FOXI2: variants seen among roughly 807,000 people sequenced by gnomAD.
The protein encoded by FOXI2 is forkhead box protein I2.
Under a neutral mutation model 14.3 loss-of-function variants are expected in FOXI2, and 17 were observed. The ratio of observed to expected loss-of-function variants is 1.19; its 90% confidence interval spans 0.81 to 1.78. The LOEUF (loss-of-function observed/expected upper bound fraction) is 1.78, where lower values mean the gene tolerates loss of function less well. Among genes scored for constraint, FOXI2 ranks in the 40% most tolerant of loss-of-function variants. The pLI is 0.00. For missense variants in FOXI2, 541 were observed against 460.0 expected (o/e 1.18, Z -1.61); for synonymous variants, 240 against 218.8 (o/e 1.10, Z -0.85).
Position 127,739,905 on chromosome 10 carries a change from ACACT to A in FOXI2, c.*944_*947del, listed in dbSNP as rs1456839643. On this transcript the variant is annotated 3_prime_UTR_variant, in exon 2 of 2. Coordinates refer to ENST00000388920, the MANE Select transcript of FOXI2 (RefSeq NM_207426.3). ...CCCACACCCACACCCACACTCACAC[ACACT>A]CACACCCACACCCACACTCACACCC... 8.0e-4 allele frequency: 15 copies of A among 18,846 alleles called. No individual in the cohort carries two copies. The highest frequency in any genetic ancestry group is 1.4e-3 in the Non-Finnish European group (10 of 7,216). The allele number at this position is 18,846 out of a possible 1,614,324, so 1.2% of individuals were successfully genotyped here.
rs1564748145 is a variant in FOXI2, at chr10:127,737,575, TGCG to T, written c.305_307del (p.Arg102del). 6.5e-7 allele frequency: 1 copy of T among 1,547,466 alleles called. No individual in the cohort carries two copies. Among genetic ancestry groups the T allele is most frequent in the South Asian group, 1.2e-5 (1 of 83,560 alleles). On this transcript the variant is annotated inframe_deletion, in exon 1 of 2. Coordinates refer to ENST00000388920, the MANE Select transcript of FOXI2 (RefSeq NM_207426.3). The stretch of plus-strand genomic sequence containing the variant: ...GGCCAGCAGGAGCTGCTGAGGCTGG[TGCG>T]GCCGCCCTACTCCTACTCGGCGCTC...
chr10:127,740,031 C>CTCAAGAAGGATTAA lies in FOXI2; in HGVS notation c.*1066_*1067insTCAAGAAGGATTAA, dbSNP rs1846494247. 7.1e-6 allele frequency: 1 copy of CTCAAGAAGGATTAA among 139,920 alleles called. No homozygotes were observed. Among genetic ancestry groups the CTCAAGAAGGATTAA allele is most frequent in the South Asian group, 2.4e-4 (1 of 4,158 alleles). 8.7% of individuals were successfully genotyped at this position (139,920 alleles called of 1,614,324 possible). A position where few individuals can be genotyped will look rare whatever the true frequency, so the allele number is the denominator to read the frequency against. On this transcript the variant is annotated 3_prime_UTR_variant, in exon 2 of 2. Transcript: ENST00000388920. Reference sequence around the variant, plus strand: ...TCACACTGACACCCACACTCACACCCACACTCACACTGACACCCACACTCA... The same window carrying CTCAAGAAGGATTAA: ...TCACACTGACACCCACACTCACACCCTCAAGAAGGATTAAACACTCACACTGACACCCACACTCA...
chr10:127,738,573 G>T lies in FOXI2; in HGVS notation c.565G>T (p.Gly189Trp). 6.2e-7 allele frequency: 1 copy of T among 1,612,888 alleles called. No homozygotes were observed. The highest frequency in any genetic ancestry group is 8.5e-7 in the Non-Finnish European group (1 of 1,179,416). The change falls in exon 2 of 2, where the codon GGG (glycine) becomes TGG (tryptophan). Residue 189 changes from glycine to tryptophan, a missense_variant. Coordinates refer to ENST00000388920, the MANE Select transcript of FOXI2 (RefSeq NM_207426.3). The part of the protein sequence containing the change: ...DPNCEKMFDN[G>W]NFRRKRKRRA... ...CAACTGCGAGAAGATGTTTGACAAC[G>T]GGAACTTCCGAAGGAAGAGGAAGAG...
At chr10:127,737,837 G>C (rs905222617) in intron 1 of FOXI2, 53 bp downstream of exon 1, 49 of 1,570,552 alleles carry the variant, frequency 3.1e-5, no homozygotes, top group Non-Finnish European at 4.2e-5. Context: ...CTTCCCGCCG[G>C]GCCGCGGGCA....
rs1846492354 is a variant in FOXI2 at position 127,740,004 on chromosome 10, ACT to A, written c.*1041_*1042del. ...ACACCCACACTCACACCACACCCAC[ACT>A]CACACTGACACCCACACTCACACCC... On this transcript the variant is annotated 3_prime_UTR_variant, in exon 2 of 2. Transcript: ENST00000388920. 1 of 114,826 alleles carries A rather than the reference ACT, an allele frequency of 8.7e-6. No homozygotes were observed. The highest frequency in any genetic ancestry group is 1.7e-5 in the Non-Finnish European group (1 of 57,560). The allele number at this position is 114,826 out of a possible 1,614,324, so 7.1% of individuals were successfully genotyped here.
chr10:127,739,949 C>CCA lies in FOXI2; in HGVS notation c.*992_*993dup, dbSNP rs1164649884. 6.8e-5 allele frequency: 3 copies of CCA among 43,820 alleles called. No homozygotes were observed. The highest frequency in any genetic ancestry group is 2.2e-3 in the South Asian group (2 of 912). 2.7% of individuals were successfully genotyped at this position (43,820 alleles called of 1,614,324 possible). ...CACTCACACCCACACACACTCACAC[C>CCA]CACACACACCCACACTCATACTCAC... On this transcript the variant is annotated 3_prime_UTR_variant, in exon 2 of 2. Coordinates refer to ENST00000388920, the MANE Select transcript of FOXI2 (RefSeq NM_207426.3).
In FOXI2 at chr10:127,738,970, A is replaced by G. The variant is rs752988740; in HGVS notation, c.*5A>G. 4.4e-6 allele frequency: 7 copies of G among 1,597,224 alleles called. 1 individual carries two copies. In the Admixed American group the frequency reaches 1.2e-4, roughly 27 times the overall value. On this transcript the variant is annotated 3_prime_UTR_variant, in exon 2 of 2. Transcript: ENST00000388920. ...CGGGAAGGGACCGAAGTTTGAAGGG[A>G]GGCTGGAGGCTAGCCGGGTGCGGGT... is the stretch of plus-strand genomic sequence containing the variant.
In FOXI2 at chr10:127,737,657, C is replaced by T. The variant is rs1479890656; in HGVS notation, c.384C>T (p.Ile128=). Residue 128 remains isoleucine, a synonymous_variant, in exon 1 of 2, where the codon ATC becomes ATT. Transcript: ENST00000388920. ...APLRKLTLSQ[I]YQYVAGNFPF... ...TGCGGAAGCTGACGCTCAGCCAGAT[C>T]TACCAGTACGTGGCTGGTAACTTCC... The T allele has an allele frequency of 6.3e-7, 1 of 1,588,668 alleles. No homozygotes were observed. Among genetic ancestry groups the T allele is most frequent in the Non-Finnish European group, 8.6e-7 (1 of 1,167,802 alleles).
chr10:127,739,326 C>T lies in FOXI2; in HGVS notation c.*361C>T, dbSNP rs575379918. Reference sequence around the variant, plus strand: ...AGGAGGCTGGCTGACTCCAAAGAGCCTTAGAGCAGATGGGAAGAAGGTGGG... The same window carrying T: ...AGGAGGCTGGCTGACTCCAAAGAGCTTTAGAGCAGATGGGAAGAAGGTGGG... On this transcript the variant is annotated 3_prime_UTR_variant, in exon 2 of 2. Transcript: ENST00000388920. 7.4e-4 allele frequency: 161 copies of T among 216,136 alleles called. 1 individual carries two copies. The highest frequency in any genetic ancestry group is 3.5e-3 in the African/African-American group (152 of 43,404). 13.4% of individuals were successfully genotyped at this position (216,136 alleles called of 1,614,324 possible).
chr10:127,738,999 G>C lies in FOXI2; in HGVS notation c.*34G>C. 1 of 1,566,494 alleles carries C rather than the reference G, an allele frequency of 6.4e-7. No individual in the cohort carries two copies. The highest frequency in any genetic ancestry group is 8.6e-7 in the Non-Finnish European group (1 of 1,157,960). ...TGGAGGCTAGCCGGGTGCGGGTCCA[G>C]AGGTGCTGAGCTCAGGCCTCCGGTT... On this transcript the variant is annotated 3_prime_UTR_variant, in exon 2 of 2. Coordinates refer to ENST00000388920, the MANE Select transcript of FOXI2 (RefSeq NM_207426.3).
chr10:127,739,827 CCACACCCACACT>C lies in FOXI2; in HGVS notation c.*868_*879del, dbSNP rs1564749046. Reference sequence around the variant, plus strand: ...CCCACACTCACACCCACACCCACACCCACACCCACACTCACACTCACACTCACACCCACACTC... The same window carrying C: ...CCCACACTCACACCCACACCCACACCCACACTCACACTCACACCCACACTC... On this transcript the variant is annotated 3_prime_UTR_variant, in exon 2 of 2. Coordinates refer to ENST00000388920, the MANE Select transcript of FOXI2 (RefSeq NM_207426.3). 21 of 71,912 alleles carry C rather than the reference CCACACCCACACT, an allele frequency of 2.9e-4. 1 individual carries two copies. The highest frequency in any genetic ancestry group is 1.0e-3 in the African/African-American group (17 of 16,568). 4.5% of individuals were successfully genotyped at this position (71,912 alleles called of 1,614,324 possible). A position where few individuals can be genotyped will look rare whatever the true frequency, so the allele number is the denominator to read the frequency against.
At position 127,737,332 on chromosome 10, in the gene FOXI2, C is replaced by A. The variant is rs1225024215; in HGVS notation, c.59C>A (p.Ala20Asp). 1.7e-5 allele frequency: 24 copies of A among 1,442,198 alleles called. No homozygotes were observed. Among genetic ancestry groups the A allele is most frequent in the Non-Finnish European group, 2.1e-5 (23 of 1,111,812 alleles). 89.3% of individuals were successfully genotyped at this position (1,442,198 alleles called of 1,614,324 possible). A position where few individuals can be genotyped will look rare whatever the true frequency, so the allele number is the denominator to read the frequency against. The change falls in exon 1 of 2, where the codon GCC (alanine) becomes GAC (aspartate). Residue 20 changes from alanine (A) to aspartate (D), a missense_variant. Ala to Asp is a moderately radical substitution (Grantham distance 126). Transcript: ENST00000388920. ...TCGGCCCCGCCCGGCCAGGCCCAGG[C>A]CACCGCGCACCCCCCGGGCTATGAG... is the stretch of plus-strand genomic sequence containing the variant. ...PSSAPPGQAQATAHPPGYEPG... is the reference protein window; with the variant it reads ...PSSAPPGQAQDTAHPPGYEPG...
rs1207334341 is a variant in FOXI2 at position 127,741,122 on chromosome 10, A to T, written c.*2157A>T. Reference sequence around the variant, plus strand: ...AAATTCCTTAGCTTATACATTTAAAAAGTATCCCTTGAACCTATTTTAATA... The same window carrying T: ...AAATTCCTTAGCTTATACATTTAAATAGTATCCCTTGAACCTATTTTAATA... On this transcript the variant is annotated 3_prime_UTR_variant, in exon 2 of 2. Coordinates refer to ENST00000388920, the MANE Select transcript of FOXI2 (RefSeq NM_207426.3). 2 of 152,254 alleles carry T rather than the reference A, an allele frequency of 1.3e-5. No individual in the cohort carries two copies. Among genetic ancestry groups the T allele is most frequent in the Non-Finnish European group, 2.9e-5 (2 of 68,044 alleles). 9.4% of individuals were successfully genotyped at this position (152,254 alleles called of 1,614,324 possible).
In FOXI2 at chr10:127,738,573, G is replaced by A; in HGVS notation, c.565G>A (p.Gly189Arg). The A allele has an allele frequency of 6.2e-7, 1 of 1,612,886 alleles. No homozygotes were observed. Among genetic ancestry groups the A allele is most frequent in the Non-Finnish European group, 8.5e-7 (1 of 1,179,414 alleles). Residue 189 changes from glycine (G) to arginine (R), a missense_variant, in exon 2 of 2, where the codon GGG (glycine) becomes AGG (arginine). Physicochemically the swap from Gly to Arg is moderately radical, Grantham distance 125 (BLOSUM62 -2). Transcript: ENST00000388920. ...CAACTGCGAGAAGATGTTTGACAAC[G>A]GGAACTTCCGAAGGAAGAGGAAGAG... Reference protein sequence around the residue: ...DPNCEKMFDNGNFRRKRKRRA... With the variant: ...DPNCEKMFDNRNFRRKRKRRA...
At chr10:127,738,280 C>T (rs770348061) in intron 1 of FOXI2, among the ~76,000 whole-genome samples, 3 of 152,072 alleles carry the variant, frequency 2.0e-5, no homozygotes, top group Non-Finnish European at 4.4e-5. Flanking sequence ...TTCACCTTAA[C>T]GGGGCTCGGC....
chr10:127,738,416 T>C, intron 1 of FOXI2, 104 bp from the exon 2 acceptor site: 2 of 884,616 alleles, frequency 2.3e-6, no homozygotes, highest in Non-Finnish European at 3.5e-6. Context: ...AGACCCTCTG[T>C]AAGGGCCAGC....
At chr10:127,737,861 A>G in intron 1 of FOXI2, 77 bp downstream of exon 1, 1 of 1,546,838 alleles carries the variant, frequency 6.5e-7, no homozygotes, top group Non-Finnish European at 8.7e-7. Context: ...CGGGGGTGGG[A>G]GCACCTTAGA....
Position 127,737,995 on chromosome 10 carries a change from C to CGGCGG in FOXI2, c.511+212_511+216dup, listed in dbSNP as rs774732584. ...CCACCACAGGCCCGCGTTTACAGTG[C>CGGCGG]GGCGGTCCCGGGGCTCTCAATCTCT... On this transcript the variant is annotated intron_variant, in intron 1 of 1. Coordinates refer to ENST00000388920, the MANE Select transcript of FOXI2 (RefSeq NM_207426.3). Among the ~76,000 whole-genome samples the CGGCGG allele has an allele frequency of 1.2e-3, 177 of 152,302 alleles. 1 individual carries two copies. Among genetic ancestry groups the CGGCGG allele is most frequent in the Non-Finnish European group, 1.8e-3 (122 of 68,020 alleles).
Position 127,737,342 on chromosome 10 carries a change from C to G in FOXI2, c.69C>G (p.His23Gln). The change falls in exon 1 of 2, where the codon CAC (histidine) becomes CAG (glutamine). Residue 23 changes from histidine to glutamine, a missense_variant. Coordinates refer to ENST00000388920, the MANE Select transcript of FOXI2 (RefSeq NM_207426.3). Reference protein sequence around the residue: ...APPGQAQATAHPPGYEPGDLG... With the variant: ...APPGQAQATAQPPGYEPGDLG... Reference sequence around the variant, plus strand: ...CCGGCCAGGCCCAGGCCACCGCGCACCCCCCGGGCTATGAGCCAGGGGATC... The same window carrying G: ...CCGGCCAGGCCCAGGCCACCGCGCAGCCCCCGGGCTATGAGCCAGGGGATC... 6 of 1,429,592 alleles carry G rather than the reference C, an allele frequency of 4.2e-6. No individual in the cohort carries two copies. The South Asian group carries it at 5.8e-5, about 14-fold the overall frequency. 88.6% of individuals were successfully genotyped at this position (1,429,592 alleles called of 1,614,324 possible).
Sources: allele counts gnomAD v4.1 joint callset (sites outside exome capture counted in the v4.1 genomes callset), GRCh38; gene constraint gnomAD v4.1.1; transcripts MANE v1.5; gene names NCBI Gene and HGNC (gene_info 2026-07-23, HGNC 2026-07-21).